ENOX1: variants seen among roughly 807,000 people sequenced by gnomAD.
The protein encoded by ENOX1 is ecto-NOX disulfide-thiol exchanger 1, also known as candidate growth-related and time keeping constitutive hydroquinone (NADH) oxidase.
In ENOX1, 42 loss-of-function variants were observed where a neutral mutation model predicts 82.5. The ratio of observed to expected loss-of-function variants is 0.51; its 90% confidence interval spans 0.40 to 0.66. The LOEUF is 0.66. Ranked by LOEUF, ENOX1 falls within the 30% of genes least tolerant of loss-of-function variation. The probability of loss-of-function intolerance (pLI) is 0.00; values close to 1 mark genes in which losing one functional copy is unlikely to be tolerated. For missense variants in ENOX1, 608 were observed against 811.6 expected, an observed-to-expected ratio of 0.75 and a Z score of 3.05; for synonymous variants, 271 against 282.2, an observed-to-expected ratio of 0.96 and a Z score of 0.40.
At position 43,484,127 on chromosome 13, in the gene ENOX1, GC is replaced by G; in HGVS notation, c.-194del. 2.0e-6 allele frequency: 2 copies of G among 985,504 alleles called. No individual in the cohort carries two copies. Among genetic ancestry groups the G allele is most frequent in the Non-Finnish European group, 2.4e-6 (2 of 829,912 alleles). 61.0% of individuals were successfully genotyped at this position (985,504 alleles called of 1,614,324 possible). On this transcript the variant is annotated 5_prime_UTR_variant, in exon 3 of 17. It removes an upstream start codon present in the reference 5' UTR. Transcript: ENST00000690772. ...CACAAAGGAAGTCTCATGGAAGACA[GC>G]ATGGTTCTGACATATCAGAGGCTTC...
chr13:43,593,396 C>A (rs1268324708), intron 2 of ENOX1, among the ~76,000 whole-genome samples: 1 of 151,954 alleles, frequency 6.6e-6, no homozygotes, highest in African/African-American at 2.4e-5. Context: ...CAGGAGGGCC[C>A]TTCTAGGTCT....
At chr13:43,604,680 C>A (rs542240890) in intron 2 of ENOX1, among the ~76,000 whole-genome samples, 1 of 152,138 alleles carries the variant, frequency 6.6e-6, no homozygotes, top group African/African-American at 2.4e-5. Context: ...CCCACTTGGT[C>A]ATGATGAATG....
rs373898941 is a variant in ENOX1 at position 43,602,346 on chromosome 13, G to C, written c.-219+65133C>G. Among the ~76,000 whole-genome samples the C allele has an allele frequency of 2.8e-3, 426 of 152,020 alleles. 3 individuals are homozygous for C. The highest frequency in any genetic ancestry group is 1.0e-2 in the African/African-American group (415 of 41,512). ...GAAAACCTGGCAAAAGATATAAACAGGCAACTCACTGAAGAAGAGCTAGAA... is the reference window on the plus strand; with the variant it reads ...GAAAACCTGGCAAAAGATATAAACACGCAACTCACTGAAGAAGAGCTAGAA... On this transcript the variant is annotated intron_variant, in intron 2 of 16. Coordinates refer to ENST00000690772, the MANE Select transcript of ENOX1 (RefSeq NM_001347969.2).
At chr13:43,498,604 G>A (rs1047288750) in intron 2 of ENOX1, among the ~76,000 whole-genome samples, 3 of 151,812 alleles carry the variant, frequency 2.0e-5, no homozygotes, top group Non-Finnish European at 4.4e-5. Context: ...GGTGAGAAAA[G>A]TATCTTTCTT....
intron 3 of ENOX1, among the ~76,000 whole-genome samples, chr13:43,417,657 C>G (rs549503918): frequency 6.6e-6 from 1 of 152,248 alleles, no homozygotes; most frequent in South Asian, 2.1e-4. Context: ...TATTTACACA[C>G]AGAGATGTGG....
At chr13:43,565,435 T>C (rs1156350361) in intron 2 of ENOX1, among the ~76,000 whole-genome samples, 2 of 152,026 alleles carry the variant, frequency 1.3e-5, no homozygotes, top group African/African-American at 2.4e-5. Flanking sequence ...ACAAAATGCA[T>C]GGTGTTGAGC....
At chr13:43,563,813 A>G (rs749980396) in intron 2 of ENOX1, among the ~76,000 whole-genome samples, 3 of 152,168 alleles carry the variant, frequency 2.0e-5, no homozygotes, top group Non-Finnish European at 4.4e-5. Flanking sequence ...CAAAACCTCA[A>G]AAGACAATCA....
chr13:43,496,133 G>T (rs1290796368), intron 2 of ENOX1, among the ~76,000 whole-genome samples: 1 of 151,822 alleles, frequency 6.6e-6, no homozygotes, highest in Admixed American at 6.6e-5. Context: ...TATTAAAAAT[G>T]TTTTTTTATA....
At chr13:43,701,960 T>C (rs367928856) in intron 1 of ENOX1, among the ~76,000 whole-genome samples, 1 of 152,166 alleles carries the variant, frequency 6.6e-6, no homozygotes, top group East Asian at 1.9e-4. Context: ...AGAAACAGCA[T>C]TCTTCTAACC....
At chr13:43,688,740 C>T (rs1318497676) in intron 1 of ENOX1, among the ~76,000 whole-genome samples, 1 of 150,550 alleles carries the variant, frequency 6.6e-6, no homozygotes, top group African/African-American at 2.5e-5. Flanking sequence ...CTACTATTTG[C>T]AGAGAAAGGG....
At chr13:43,388,489 A>G (rs906470947) in intron 5 of ENOX1, among the ~76,000 whole-genome samples, 2 of 152,162 alleles carry the variant, frequency 1.3e-5, no homozygotes, top group African/African-American at 2.4e-5. Context: ...TCATGCACCT[A>G]TATGTGGCTA....
intron 14 of ENOX1, among the ~76,000 whole-genome samples, chr13:43,250,733 A>C (rs1181906776): frequency 6.6e-6 from 1 of 152,252 alleles, no homozygotes; most frequent in Non-Finnish European, 1.5e-5. Flanking sequence ...CAAGATTCAA[A>C]GATGAATAAT....
At chr13:43,361,538 CT>C in intron 5 of ENOX1, 86 bp from the exon 6 acceptor site, 2 of 1,244,248 alleles carry the variant, frequency 1.6e-6, no homozygotes, top group Non-Finnish European at 2.2e-6. Context: ...GATTATTTGA[CT>C]TTATACTTTC....
chr13:43,561,193 T>C (rs1230636559), intron 2 of ENOX1, among the ~76,000 whole-genome samples: 2 of 8,026 alleles, frequency 2.5e-4, no homozygotes, highest in South Asian at 0.12. Context: ...CTACCTCTTA[T>C]CATCACCCCA....
intron 1 of ENOX1, among the ~76,000 whole-genome samples, chr13:43,720,328 G>T (rs955800410): frequency 3.3e-5 from 5 of 152,200 alleles, no homozygotes; most frequent in African/African-American, 1.2e-4. Context: ...CCATCTCTCA[G>T]TGACTTCGCA....
Position 43,380,915 on chromosome 13 carries a change from A to G in ENOX1, c.209-19463T>C, listed in dbSNP as rs1386786824. Among the ~76,000 whole-genome samples the G allele has an allele frequency of 2.0e-5, 3 of 151,854 alleles. No individual in the cohort carries two copies. The East Asian group carries it at 5.8e-4, about 29-fold the overall frequency. Reference sequence around the variant, plus strand: ...GAACTTCAACATATATGAAATAAAAACTAATAAAATGGAAAGCTGAAGTAG... The same window carrying G: ...GAACTTCAACATATATGAAATAAAAGCTAATAAAATGGAAAGCTGAAGTAG... On this transcript the variant is annotated intron_variant, in intron 5 of 16. Transcript: ENST00000690772.
intron 1 of ENOX1, among the ~76,000 whole-genome samples, chr13:43,721,768 TAGAC>T (rs2088600969): frequency 6.6e-6 from 1 of 152,170 alleles, no homozygotes; most frequent in South Asian, 2.1e-4. Context: ...ACAAATTAGA[TAGAC>T]AGCCTGCCAC....
At chr13:43,629,228 A>G (rs2083100977) in intron 2 of ENOX1, among the ~76,000 whole-genome samples, 1 of 152,202 alleles carries the variant, frequency 6.6e-6, no homozygotes, top group African/African-American at 2.4e-5. Context: ...GAGTGGGGCC[A>G]CAATTATTTC....
intron 5 of ENOX1, among the ~76,000 whole-genome samples, chr13:43,407,284 C>G (rs1024998776): frequency 6.6e-6 from 1 of 152,168 alleles, no homozygotes; most frequent in Non-Finnish European, 1.5e-5. Flanking sequence ...GGGAGTGACA[C>G]TGTTCAGCAC....
Sources: allele counts gnomAD v4.1 joint callset (sites outside exome capture counted in the v4.1 genomes callset), GRCh38; gene constraint gnomAD v4.1.1; transcripts MANE v1.5; gene names NCBI Gene and HGNC (gene_info 2026-07-23, HGNC 2026-07-21).